The following HDGF variants were observed in gnomAD, a reference collection of about 807,000 sequenced individuals.
HDGF encodes the protein hepatoma-derived growth factor.
A neutral mutation model predicts 30.0 loss-of-function variants in HDGF; 5 were observed. The observed-to-expected ratio is 0.17, with a 90% confidence interval of 0.09 to 0.35. The LOEUF (loss-of-function observed/expected upper bound fraction) is 0.35. HDGF is among the 10% of genes least tolerant of loss of function. The pLI, the probability that HDGF is intolerant of heterozygous loss-of-function variation, is 1.00. For missense variants in HDGF, 214 were observed against 302.8 expected, an observed-to-expected ratio of 0.71 and a Z score of 2.18; for synonymous variants, 133 against 112.7, an observed-to-expected ratio of 1.18 and a Z score of -1.14.
At chr1:156,753,942 G>A (rs1449899134), upstream of HDGF, among the ~76,000 whole-genome samples, 1 of 150,900 alleles carries the variant, frequency 6.6e-6, no homozygotes, top group Non-Finnish European at 1.5e-5. Context: ...TGGAGACGGA[G>A]TCTCGCTCTG....
chr1:156,743,759 C>T lies in HDGF; in HGVS notation c.609G>A (p.Glu203=), dbSNP rs757142792. The change falls in exon 5 of 6, where the codon GAG becomes GAA. Residue 203 remains glutamate, a synonymous_variant. Transcript: ENST00000357325. ...MEVEKNSTPS[E]PGSGRGPPQE... ...GGGGAGGCCCCCGGCCAGAGCCGGG[C>T]TCAGAGGGGGTGCTATTCTTTTCCA... The T allele has an allele frequency of 6.2e-7, 1 of 1,600,330 alleles. No individual in the cohort carries two copies. The highest frequency in any genetic ancestry group is 8.5e-7 in the Non-Finnish European group (1 of 1,173,374).
intron 1 of HDGF, among the ~76,000 whole-genome samples, chr1:156,750,293 G>A (rs1268725389): frequency 6.6e-6 from 1 of 152,066 alleles, no homozygotes; most frequent in African/African-American, 2.4e-5. Context: ...AAAACCAAAG[G>A]CCCCTCTACA....
chr1:156,765,836 C>T (rs1038440007), intron 1 of HDGF, among the ~76,000 whole-genome samples: 1 of 152,238 alleles, frequency 6.6e-6, no homozygotes, highest in Admixed American at 6.5e-5. Flanking sequence ...CGCACAGTCA[C>T]CAGAGAGTAC....
In HDGF at chr1:156,751,227, C is replaced by T; in HGVS notation, c.87+116G>A. On this transcript the variant is annotated intron_variant, in intron 1 of 5. Transcript: ENST00000357325. This position sits in a 1 kb window ranked among gnomAD's most constrained non-coding sequence, Gnocchi z 4.7. Reference sequence around the variant, plus strand: ...GAAGCGACAGAGAAAGAGCCGGAGACCTACAAGCCCCCTGCCCCCACCTCT... The same window carrying T: ...GAAGCGACAGAGAAAGAGCCGGAGATCTACAAGCCCCCTGCCCCCACCTCT... 7.8e-7 allele frequency: 1 copy of T among 1,280,568 alleles called. No homozygotes were observed. The highest frequency in any genetic ancestry group is 1.0e-6 in the Non-Finnish European group (1 of 987,150). The allele number at this position is 1,280,568 out of a possible 1,614,324, so 79.3% of individuals were successfully genotyped here. A position where few individuals can be genotyped will look rare whatever the true frequency, so the allele number is the denominator to read the frequency against.
chr1:156,745,578 C>T (rs1305788814), intron 1 of HDGF, among the ~76,000 whole-genome samples: 1 of 152,128 alleles, frequency 6.6e-6, no homozygotes, highest in Admixed American at 6.5e-5. Flanking sequence ...ACCCAGGAAT[C>T]CTTCCCTCTC....
chr1:156,754,223 G>T (rs890195751), upstream of HDGF, among the ~76,000 whole-genome samples: 1 of 152,088 alleles, frequency 6.6e-6, no homozygotes, highest in South Asian at 2.1e-4. Context: ...CAACAAACAC[G>T]CTTTTAAACT....
intron 1 of HDGF, among the ~76,000 whole-genome samples, chr1:156,760,949 T>C (rs1205269659): frequency 6.6e-6 from 1 of 151,890 alleles, no homozygotes; most frequent in African/African-American, 2.4e-5. Context: ...ATCTCAGCAC[T>C]TTGAGCGGCT....
intron 1 of HDGF, among the ~76,000 whole-genome samples, chr1:156,746,879 C>A (rs1650587427): frequency 6.6e-6 from 1 of 152,154 alleles, no homozygotes; most frequent in African/African-American, 2.4e-5. Context: ...GAGACAGGGA[C>A]AGAGGGCCCA....
chr1:156,752,069 G>A (rs144345646), upstream of HDGF: 26,380 of 1,551,468 alleles, frequency 0.017, 281 homozygotes, highest in Middle Eastern at 0.021. Context: ...AAGTGTGGAC[G>A]TCTGTACACG....
chr1:156,750,941 T>A (rs945330286), intron 1 of HDGF, among the ~76,000 whole-genome samples: 7 of 148,556 alleles, frequency 4.7e-5, no homozygotes, highest in East Asian at 2.0e-4. Context: ...TCTAAGGGGG[T>A]CTTAAAGGGG....
At chr1:156,760,739 A>G (rs1186371129) in intron 1 of HDGF, among the ~76,000 whole-genome samples, 1 of 151,986 alleles carries the variant, frequency 6.6e-6, no homozygotes. Context: ...AGTCACCCTG[A>G]CACACCCTGA....
At chr1:156,745,730 G>A (rs1650490288) in intron 1 of HDGF, among the ~76,000 whole-genome samples, 2 of 152,250 alleles carry the variant, frequency 1.3e-5, no homozygotes, top group South Asian at 4.1e-4. Context: ...GTTGGTCCAA[G>A]GATTTCGTCC....
At chr1:156,764,969 G>A (rs1651327647) in intron 1 of HDGF, among the ~76,000 whole-genome samples, 3 of 152,042 alleles carry the variant, frequency 2.0e-5, no homozygotes, top group South Asian at 4.1e-4. Flanking sequence ...CTGGCAAGAT[G>A]TGTTGACAAA....
Position 156,744,390 on chromosome 1 carries a change from C to T in HDGF, c.304-42G>A, listed in dbSNP as rs1407030432. 2.5e-6 allele frequency: 4 copies of T among 1,607,818 alleles called. No individual in the cohort carries two copies. In the African/African-American group the frequency reaches 5.3e-5, roughly 21 times the overall value. On this transcript the variant is annotated intron_variant, in intron 3 of 5. Transcript: ENST00000357325. ...ACAGGCTGAGTGGCACCAGTCGCTG[C>T]CATGCTGGGCCCCCTCCCCAGACCC...
upstream of HDGF, among the ~76,000 whole-genome samples, chr1:156,754,518 C>G (rs1651123909): frequency 6.6e-6 from 1 of 152,242 alleles, no homozygotes; most frequent in Non-Finnish European, 1.5e-5. Context: ...CCCCTAACAA[C>G]TAAGCCAAGA....
upstream of HDGF, chr1:156,755,543 A>G (rs1651141867): frequency 6.6e-6 from 1 of 152,194 alleles, no homozygotes; most frequent in Non-Finnish European, 1.5e-5. Context: ...TCACCTGCTT[A>G]TTATTAGGTT....
chr1:156,757,443 G>A (rs1349226456), upstream of HDGF, among the ~76,000 whole-genome samples: 2 of 150,988 alleles, frequency 1.3e-5, no homozygotes, highest in Non-Finnish European at 1.5e-5. Flanking sequence ...TCCAGCCTGG[G>A]CGACAGGGCA....
At position 156,758,608 on chromosome 1, in the gene HDGF, T is replaced by A. The variant is rs12134318; in HGVS notation, n.373+375A>T. Among the ~76,000 whole-genome samples the A allele has an allele frequency of 3.0e-3, 276 of 92,024 alleles. 16 individuals carry two copies. The highest frequency in any genetic ancestry group is 0.011 in the African/African-American group (254 of 24,036). The allele number at this position is 92,024 out of a possible 152,430, so 60.4% of individuals were successfully genotyped here. The stretch of plus-strand genomic sequence containing the variant: ...ACTCCGTCTCAAAAAAAAAAATAAA[T>A]AAATAAATAAATAAAAAAAATTAGC... On this transcript the variant is annotated intron_variant and non_coding_transcript_variant, in intron 2 of 7. Transcript: ENST00000465180.
chr1:156,744,631 C>T (rs1650392023), intron 3 of HDGF: 5 of 1,100,810 alleles, frequency 4.5e-6, no homozygotes, highest in South Asian at 1.6e-5. Flanking sequence ...ACCCTTTCCC[C>T]GCCAACCCCC....
Sources: allele counts gnomAD v4.1 joint callset (sites outside exome capture counted in the v4.1 genomes callset), GRCh38; gene constraint gnomAD v4.1.1; non-coding constraint Gnocchi (gnomAD v3.1); transcripts MANE v1.5; gene names NCBI Gene and HGNC (gene_info 2026-07-23, HGNC 2026-07-21).